INPPL1: variants seen among roughly 807,000 people sequenced by gnomAD.
The protein encoded by INPPL1 is phosphatidylinositol 3,4,5-trisphosphate 5-phosphatase 2.
A neutral mutation model predicts 139.3 loss-of-function variants in INPPL1; 91 were observed. The observed-to-expected ratio is 0.65, with a 90% CI of 0.55 to 0.78. INPPL1 has a LOEUF of 0.78. INPPL1 is among the 30% of genes least tolerant of loss of function. The pLI is 0.00. For synonymous variants in INPPL1, 719 were observed against 686.6 expected, an observed-to-expected ratio of 1.05 and a Z score of -0.74; for missense variants, 1,411 against 1,665.6, an observed-to-expected ratio of 0.85 and a Z score of 2.66.
chr11:72,235,126 T>G lies in INPPL1; in HGVS notation c.2426T>G (p.Ile809Ser). ...SSRQLPTLKPILADIEYLQDQ... is the reference protein window; with the variant it reads ...SSRQLPTLKPSLADIEYLQDQ... ...CTCCCTGCTTCCCAGCTCAAACCAA[T>G]TCTGGCTGATATCGAGTACCTGCAG... is the stretch of plus-strand genomic sequence containing the variant. The change falls in exon 22 of 28, where the codon ATT becomes AGT. Residue 809 changes from isoleucine to serine, a missense_variant. Ile to Ser is a moderately radical substitution (Grantham distance 142, BLOSUM62 -2). Coordinates refer to ENST00000298229, the MANE Select transcript of INPPL1 (RefSeq NM_001567.4). This position sits in a 1 kb window ranked among gnomAD's most constrained non-coding sequence, Gnocchi z 4.9. 6.2e-7 allele frequency: 1 copy of G among 1,613,886 alleles called. No individual in the cohort carries two copies. The highest frequency in any genetic ancestry group is 8.5e-7 in the Non-Finnish European group (1 of 1,179,946).
At chr11:72,229,298 T>A in intron 5 of INPPL1, 68 bp downstream of exon 5, 1 of 1,500,458 alleles carries the variant, frequency 6.7e-7, no homozygotes, top group South Asian at 1.2e-5. Context: ...GCTTCCCGGC[T>A]GCACAGGTGC....
Position 72,225,145 on chromosome 11 carries a change from G to A in INPPL1, c.161G>A (p.Gly54Glu). The A allele has an allele frequency of 8.1e-7, 1 of 1,231,488 alleles. No homozygotes were observed. The highest frequency in any genetic ancestry group is 1.0e-6 in the Non-Finnish European group (1 of 987,516). The allele number at this position is 1,231,488 out of a possible 1,614,324, so 76.3% of individuals were successfully genotyped here. A position where few individuals can be genotyped will look rare whatever the true frequency, so the allele number is the denominator to read the frequency against. ...FLVRDSESVA[G>E]AFALCVLYQK... ...GTCCGAGACAGCGAGAGCGTGGCGG[G>A]GGCCTTCGCGCTCTGCGTCCTGTGA... Residue 54 changes from glycine to glutamate, a missense_variant, in exon 1 of 28, where the codon GGG becomes GAG. Physicochemically the swap from Gly to Glu is moderately conservative, Grantham distance 98. Transcript: ENST00000298229.
rs778257580 is a variant in INPPL1, at chr11:72,237,610, G to C, written c.3366G>C (p.Ser1122=). The C allele has an allele frequency of 7.5e-6, 12 of 1,603,578 alleles. No individual in the cohort carries two copies. The highest frequency in any genetic ancestry group is 1.7e-5 in the Admixed American group (1 of 59,574). The part of the protein sequence containing the change: ...EVASGDDRSC[S]VLQMAKTLSE... ...CCAGTGGGGATGACCGGTCCTGCTCGGTGCTGCAGATGGCCAAGACGCTGA... is the reference window on the plus strand; with the variant it reads ...CCAGTGGGGATGACCGGTCCTGCTCCGTGCTGCAGATGGCCAAGACGCTGA... Residue 1122 remains serine (S), a synonymous_variant, in exon 26 of 28, where the codon TCG becomes TCC. Coordinates refer to ENST00000298229, the MANE Select transcript of INPPL1 (RefSeq NM_001567.4).
chr11:72,227,019 GGATCAGACGTGGGC>G (rs914653621), intron 1 of INPPL1, among the ~76,000 whole-genome samples: 6 of 152,124 alleles, frequency 3.9e-5, no homozygotes, highest in African/African-American at 7.2e-5. Flanking sequence ...CTGGGGGTAA[GGATCAGACGTGGGC>G]GATCAGACGT....
Position 72,224,912 on chromosome 11 carries a change from C to T in INPPL1, c.-73C>T, listed in dbSNP as rs1282410863. 14 of 993,708 alleles carry T rather than the reference C, an allele frequency of 1.4e-5. No homozygotes were observed. The highest frequency in any genetic ancestry group is 1.7e-5 in the Non-Finnish European group (14 of 826,310). 61.6% of individuals were successfully genotyped at this position (993,708 alleles called of 1,614,324 possible). A position where few individuals can be genotyped will look rare whatever the true frequency, so the allele number is the denominator to read the frequency against. On this transcript the variant is annotated 5_prime_UTR_variant, in exon 1 of 28. Transcript: ENST00000298229. ...GCCCGGGCCCCGGGCCCGGCCCCAG[C>T]CTCAGCCCTGAGCGTCTCGGGGCGG... is the stretch of plus-strand genomic sequence containing the variant.
intron 5 of INPPL1, 35 bp downstream of exon 5, chr11:72,229,265 T>G: frequency 1.3e-6 from 2 of 1,578,062 alleles, no homozygotes; most frequent in East Asian, 2.2e-5. Context: ...TATTACACCC[T>G]TACCTCTGAC....
chr11:72,233,362 T>G (rs1201052981), intron 17 of INPPL1, 79 bp from the exon 18 acceptor site: 4 of 1,237,306 alleles, frequency 3.2e-6, no homozygotes, highest in Non-Finnish European at 4.8e-6. Flanking sequence ...GTGTGGGGAC[T>G]CATCAGCTCT....
rs116324378 is a variant in INPPL1, at chr11:72,232,821, C to T, written c.1852-54C>T. ...AGGCTAAGGGCCACATGGGCTATCA[C>T]CCCTGGCTCTGGCTCCGGAGGAATG... On this transcript the variant is annotated intron_variant, in intron 15 of 27. Coordinates refer to ENST00000298229, the MANE Select transcript of INPPL1 (RefSeq NM_001567.4). 1.0e-4 allele frequency: 163 copies of T among 1,613,676 alleles called. No individual in the cohort carries two copies. The Middle Eastern group carries it at 1.7e-3, about 16-fold the overall frequency.
Position 72,235,282 on chromosome 11 carries a change from C to T in INPPL1, c.2504-14C>T. 6.2e-7 allele frequency: 1 copy of T among 1,613,926 alleles called. No homozygotes were observed. The highest frequency in any genetic ancestry group is 8.5e-7 in the Non-Finnish European group (1 of 1,179,934). ...AGCTTGGTAATTTGCTGGTTTGTCC[C>T]ATCTGCTCCTCAGGGGAGTGTGTGG... On this transcript the variant is annotated splice_polypyrimidine_tract_variant and intron_variant, in intron 22 of 27. Coordinates refer to ENST00000298229, the MANE Select transcript of INPPL1 (RefSeq NM_001567.4). This position sits in a 1 kb window ranked among gnomAD's most constrained non-coding sequence, Gnocchi z 4.9.
In INPPL1 at chr11:72,232,853, G is replaced by A. The variant is rs377720272; in HGVS notation, c.1852-22G>A. 5.0e-6 allele frequency: 8 copies of A among 1,613,660 alleles called. No homozygotes were observed. The African/African-American group carries it at 1.1e-4, about 22-fold the overall frequency. ...CTCTGGCTCCGGAGGAATGTTTCTA[G>A]CCTTTGTGTCCTCCACCCCAGGAGA... On this transcript the variant is annotated intron_variant, in intron 15 of 27. Transcript: ENST00000298229.
Position 72,234,535 on chromosome 11 carries a change from A to C in INPPL1, c.2335A>C (p.Lys779Gln). The change falls in exon 21 of 28, where the codon AAG (lysine) becomes CAG (glutamine). Residue 779 changes from lysine to glutamine, a missense_variant. Physicochemically the swap from Lys to Gln is moderately conservative, Grantham distance 53. Coordinates refer to ENST00000298229, the MANE Select transcript of INPPL1 (RefSeq NM_001567.4). The surrounding 1 kb of genome is among the most constrained non-coding windows in gnomAD (Gnocchi z 4.2). ...TCCCACCCCCACCCCAGAATACAAG[A>C]AGAGCTTTGAGAATGATGCCCAGAG... ...FYSTCLEEYKKSFENDAQSSD... is the reference protein window; with the variant it reads ...FYSTCLEEYKQSFENDAQSSD... 6.2e-7 allele frequency: 1 copy of C among 1,612,984 alleles called. No individual in the cohort carries two copies. The highest frequency in any genetic ancestry group is 8.5e-7 in the Non-Finnish European group (1 of 1,179,196).
chr11:72,238,085 C>A lies in INPPL1; in HGVS notation c.3596C>A (p.Ala1199Glu). 1.3e-6 allele frequency: 2 copies of A among 1,577,936 alleles called. No homozygotes were observed. The highest frequency in any genetic ancestry group is 1.8e-4 in the Middle Eastern group (1 of 5,630). ...GGGCGGGCCAGCGGGCTGGGCGAGGCAGGCATGAGTGCCTGGCTGCGGGCC... is the reference window on the plus strand; with the variant it reads ...GGGCGGGCCAGCGGGCTGGGCGAGGAAGGCATGAGTGCCTGGCTGCGGGCC... ...QGGRASGLGE[A>E]GMSAWLRAIG... is the part of the protein sequence containing the mutation. Residue 1199 changes from alanine to glutamate, a missense_variant, in exon 27 of 28, where the codon GCA (alanine) becomes GAA (glutamate). By Grantham distance (107) the Ala-to-Glu change is moderately radical. Coordinates refer to ENST00000298229, the MANE Select transcript of INPPL1 (RefSeq NM_001567.4).
rs1268527456 is a variant in INPPL1 at position 72,232,349 on chromosome 11, C to A, written c.1712+13C>A. 7 of 1,549,164 alleles carry A rather than the reference C, an allele frequency of 4.5e-6. No homozygotes were observed. In the African/African-American group the frequency reaches 9.6e-5, roughly 21 times the overall value. Reference sequence around the variant, plus strand: ...AGAAGACGGCTCGGTGAGGGGGCGCCTTTCCCATGGTCTCTTTACACCCAT... The same window carrying A: ...AGAAGACGGCTCGGTGAGGGGGCGCATTTCCCATGGTCTCTTTACACCCAT... On this transcript the variant is annotated intron_variant, in intron 14 of 27. Transcript: ENST00000298229.
Position 72,230,205 on chromosome 11 carries a change from C to T in INPPL1, c.1024C>T (p.Arg342Trp), listed in dbSNP as rs769322084. 8.7e-6 allele frequency: 14 copies of T among 1,611,906 alleles called. No individual in the cohort carries two copies. Among genetic ancestry groups the T allele is most frequent in the African/African-American group, 5.3e-5 (4 of 74,934 alleles). The change falls in exon 9 of 28, where the codon CGG (arginine) becomes TGG (tryptophan). Residue 342 changes from arginine (R) to tryptophan (W), a missense_variant. This residue lies in a region of INPPL1 where 504 missense variants were observed against 595.6 expected (regional missense o/e 0.85). Coordinates refer to ENST00000298229, the MANE Select transcript of INPPL1 (RefSeq NM_001567.4). ...FTLSVDVEGGRLVLLRRQRDS... is the reference protein window; with the variant it reads ...FTLSVDVEGGWLVLLRRQRDS... ...GCTGAGCGTGGATGTGGAGGGTGGG[C>T]GGCTGGTGCTGCTGCGGAGACAGCG...
chr11:72,232,823 CCTGGCT>C, intron 15 of INPPL1, 46 bp from the exon 16 acceptor site: 2 of 1,613,652 alleles, frequency 1.2e-6, no homozygotes, highest in Non-Finnish European at 1.7e-6. Flanking sequence ...GGCTATCACC[CCTGGCT>C]CTGGCTCCGG....
rs767268219 is a variant in INPPL1, at chr11:72,228,691, A to T, written c.398-36A>T. On this transcript the variant is annotated intron_variant, in intron 3 of 27. Coordinates refer to ENST00000298229, the MANE Select transcript of INPPL1 (RefSeq NM_001567.4). The surrounding 1 kb of genome is among the most constrained non-coding windows in gnomAD (Gnocchi z 5.0). ...TGCCTCCTACTCCACTGAGTGTGGG[A>T]GGCCCAAACGGCTGCCCACTGACCC... 11 of 1,599,764 alleles carry T rather than the reference A, an allele frequency of 6.9e-6. No individual in the cohort carries two copies. The South Asian group carries it at 1.2e-4, about 18-fold the overall frequency.
Position 72,228,755 on chromosome 11 carries a change from C to T in INPPL1, c.426C>T (p.Pro142=), listed in dbSNP as rs771919378. 2 of 1,609,722 alleles carry T rather than the reference C, an allele frequency of 1.2e-6. No homozygotes were observed. The highest frequency in any genetic ancestry group is 2.2e-5 in the East Asian group (1 of 44,868). ...GGGAGGATGAGAAGCCCCCGCTGCC[C>T]CCGCGCTCTGGCTCCACCAGCATTT... ...SDGEDEKPPL[P]PRSGSTSISA... Residue 142 remains proline (P), a synonymous_variant, in exon 4 of 28, where the codon CCC becomes CCT. Coordinates refer to ENST00000298229, the MANE Select transcript of INPPL1 (RefSeq NM_001567.4). The surrounding 1 kb of genome is among the most constrained non-coding windows in gnomAD (Gnocchi z 5.0).
In INPPL1 at chr11:72,235,024, G is replaced by A. The variant is rs1948944758; in HGVS notation, c.2416-92G>A. 9.1e-6 allele frequency: 9 copies of A among 986,048 alleles called. No individual in the cohort carries two copies. The highest frequency in any genetic ancestry group is 5.9e-5 in the South Asian group (4 of 67,864). The allele number at this position is 986,048 out of a possible 1,614,324, so 61.1% of individuals were successfully genotyped here. A position where few individuals can be genotyped will look rare whatever the true frequency, so the allele number is the denominator to read the frequency against. Reference sequence around the variant, plus strand: ...GTGAGTGAGCACAGATGACCTGAGGGTGGGGATTGAGTGGTGTCAGGGGGC... The same window carrying A: ...GTGAGTGAGCACAGATGACCTGAGGATGGGGATTGAGTGGTGTCAGGGGGC... On this transcript the variant is annotated intron_variant, in intron 21 of 27. Transcript: ENST00000298229. The surrounding 1 kb of genome is among the most constrained non-coding windows in gnomAD (Gnocchi z 4.9).
At chr11:72,237,956 T>C in intron 26 of INPPL1, 86 bp from the exon 27 acceptor site, 1 of 1,466,676 alleles carries the variant, frequency 6.8e-7, no homozygotes. Flanking sequence ...CTTCCCTTCC[T>C]TTTCCCCAGA....
Sources: allele counts gnomAD v4.1 joint callset (sites outside exome capture counted in the v4.1 genomes callset), GRCh38; gene constraint gnomAD v4.1.1; regional missense constraint gnomAD v4.1.1; non-coding constraint Gnocchi (gnomAD v3.1); transcripts MANE v1.5; gene names NCBI Gene and HGNC (gene_info 2026-07-23, HGNC 2026-07-21).